Variants in LRMDA observed in about 807,000 individuals in gnomAD.
LRMDA encodes leucine-rich melanocyte differentiation-associated protein.
A neutral mutation model predicts 29.8 loss-of-function variants in LRMDA; 18 were observed. The observed-to-expected ratio is 0.60, with a 90% CI of 0.42 to 0.90. The LOEUF is 0.90. LRMDA is among the 40% of genes least tolerant of loss of function. The pLI is 0.00. For synonymous variants in LRMDA, 125 were observed against 109.4 expected, an observed-to-expected ratio of 1.14 and a Z score of -0.89; for missense variants, 273 against 273.9, an observed-to-expected ratio of 1.00 and a Z score of 0.02.
intron 2 of LRMDA, among the ~76,000 whole-genome samples, chr10:75,913,355 G>A (rs1205316333): frequency 2.0e-5 from 3 of 152,124 alleles, no homozygotes; most frequent in South Asian, 2.1e-4. Context: ...TACCCGGGGG[G>A]CTGAGGCAGG....
At chr10:76,200,873 ACG>A (rs1036864833) in intron 5 of LRMDA, among the ~76,000 whole-genome samples, 16 of 150,672 alleles carry the variant, frequency 1.1e-4, no homozygotes, top group Non-Finnish European at 4.4e-5. Flanking sequence ...GCCTGCCACC[ACG>A]CCCAGCTAAT....
chr10:75,480,912 G>C (rs565951784), intron 2 of LRMDA, among the ~76,000 whole-genome samples: 29 of 152,224 alleles, frequency 1.9e-4, no homozygotes, highest in African/African-American at 6.5e-4. Flanking sequence ...GAGGGGTGAG[G>C]CATGGGAGGA....
intron 2 of LRMDA, among the ~76,000 whole-genome samples, chr10:75,965,801 C>T (rs1192844301): frequency 6.6e-6 from 1 of 152,142 alleles, no homozygotes. Context: ...TAGATTTCTC[C>T]AAAGTGAGGG....
At chr10:76,297,928 G>T (rs1222133839) in intron 5 of LRMDA, among the ~76,000 whole-genome samples, 1 of 152,198 alleles carries the variant, frequency 6.6e-6, no homozygotes, top group African/African-American at 2.4e-5. Flanking sequence ...CATAGTTAAA[G>T]CTTCCAGCTG....
intron 2 of LRMDA, among the ~76,000 whole-genome samples, chr10:76,031,807 T>C (rs1222388669): frequency 1.3e-5 from 2 of 151,646 alleles, no homozygotes; most frequent in Non-Finnish European, 2.9e-5. Flanking sequence ...CTTGATTGGT[T>C]TGAGAACATC....
At chr10:75,919,080 A>G (rs74146937) in intron 2 of LRMDA, among the ~76,000 whole-genome samples, 4,252 of 152,294 alleles carry the variant, frequency 0.028, 188 homozygotes, top group African/African-American at 0.097. Context: ...AGGTGCCGTT[A>G]TTAATGTCTA....
At chr10:75,454,852 T>C (rs1844498117) in intron 2 of LRMDA, among the ~76,000 whole-genome samples, 1 of 152,208 alleles carries the variant, frequency 6.6e-6, no homozygotes, top group Non-Finnish European at 1.5e-5. Context: ...AAATGGAGCC[T>C]GGCAGTGGCT....
chr10:75,950,652 C>T (rs1392846931), intron 2 of LRMDA, among the ~76,000 whole-genome samples: 2 of 152,200 alleles, frequency 1.3e-5, no homozygotes, highest in Non-Finnish European at 2.9e-5. Flanking sequence ...TCTTCGGGGA[C>T]TTGTTATATT....
intron 3 of LRMDA, among the ~76,000 whole-genome samples, chr10:76,046,919 CAAG>C (rs1386301618): frequency 6.6e-6 from 1 of 152,192 alleles, no homozygotes; most frequent in Non-Finnish European, 1.5e-5. Flanking sequence ...ATGGGACAAT[CAAG>C]TTTATTCATT....
intron 2 of LRMDA, among the ~76,000 whole-genome samples, chr10:75,720,474 T>G (rs973739988): frequency 2.0e-5 from 3 of 152,256 alleles, no homozygotes; most frequent in African/African-American, 7.2e-5. Context: ...ACATCTTTCT[T>G]GGAGAAGCAG....
chr10:75,886,258 C>T (rs984959987), intron 2 of LRMDA, among the ~76,000 whole-genome samples: 9 of 152,076 alleles, frequency 5.9e-5, no homozygotes, highest in Non-Finnish European at 1.3e-4. Flanking sequence ...TGCATGACAC[C>T]CAAGCATGTG....
At chr10:75,905,267 C>T (rs1227878890) in intron 2 of LRMDA, among the ~76,000 whole-genome samples, 1 of 149,148 alleles carries the variant, frequency 6.7e-6, no homozygotes, top group African/African-American at 2.5e-5. Flanking sequence ...AATCATAGAC[C>T]CTCTAAAAAC....
At chr10:76,404,754 T>A (rs10824414) in intron 6 of LRMDA, among the ~76,000 whole-genome samples, 1 of 152,048 alleles carries the variant, frequency 6.6e-6, no homozygotes, top group Non-Finnish European at 1.5e-5. Context: ...TTTGACACTC[T>A]TAAAGGGACT....
At chr10:76,182,803 A>G (rs1003457183) in intron 5 of LRMDA, among the ~76,000 whole-genome samples, 21 of 152,324 alleles carry the variant, frequency 1.4e-4, no homozygotes, top group African/African-American at 3.8e-4. Context: ...TGCTACACAC[A>G]TTCTCAAGGG....
At chr10:76,279,955 C>T (rs1250672305) in intron 5 of LRMDA, among the ~76,000 whole-genome samples, 3 of 152,168 alleles carry the variant, frequency 2.0e-5, no homozygotes, top group African/African-American at 7.2e-5. Context: ...AGATTTGAAT[C>T]CAATCAACCT....
intron 6 of LRMDA, among the ~76,000 whole-genome samples, chr10:76,462,312 A>G (rs1842521776): frequency 6.6e-6 from 1 of 152,152 alleles, no homozygotes; most frequent in Non-Finnish European, 1.5e-5. Flanking sequence ...CTGACTTGGT[A>G]TTCTTTTAGT....
At chr10:75,474,596 G>A (rs1257125078) in intron 2 of LRMDA, among the ~76,000 whole-genome samples, 1 of 152,206 alleles carries the variant, frequency 6.6e-6, no homozygotes, top group Non-Finnish European at 1.5e-5. Context: ...CTAGACCCTA[G>A]CAGTACAGGT....
chr10:75,742,488 G>A (rs1204367698), intron 2 of LRMDA, among the ~76,000 whole-genome samples: 1 of 152,228 alleles, frequency 6.6e-6, no homozygotes, highest in Non-Finnish European at 1.5e-5. Flanking sequence ...TTGAATAGGT[G>A]TGCTGTGGGG....
intron 2 of LRMDA, among the ~76,000 whole-genome samples, chr10:75,484,028 T>C (rs868094502): frequency 3.3e-5 from 5 of 152,290 alleles, no homozygotes; most frequent in African/African-American, 1.2e-4. Flanking sequence ...TGACCATGGC[T>C]CGCTGCAACC....
Sources: gnomAD v4.1 joint callset for allele counts (sites outside exome capture counted in the v4.1 genomes callset) on GRCh38, gnomAD v4.1.1 for gene constraint, MANE v1.5 for transcripts, NCBI Gene and HGNC (gene_info 2026-07-23, HGNC 2026-07-21) for gene names.